The following GABRB3 variants were observed in gnomAD, a reference collection of about 807,000 sequenced individuals.
The protein encoded by GABRB3 is gamma-aminobutyric acid type A receptor subunit beta3, also known as gamma-aminobutyric acid receptor subunit beta-3.
GABRB3 carries 14 observed loss-of-function variants against 52.1 expected under a neutral mutation model. The ratio of observed to expected loss-of-function variants is 0.27; its 90% confidence interval spans 0.18 to 0.42. GABRB3 has a LOEUF of 0.42. Among genes scored for constraint, GABRB3 ranks in the 10% least tolerant of loss-of-function variants. GABRB3 has a pLI of 1.00. For synonymous variants in GABRB3, 260 were observed against 232.3 expected, an observed-to-expected ratio of 1.12 and a Z score of -1.08; for missense variants, 307 against 609.1, an observed-to-expected ratio of 0.50 and a Z score of 5.22.
intron 3 of GABRB3, among the ~76,000 whole-genome samples, chr15:26,749,324 G>A (rs937913713): frequency 6.6e-6 from 1 of 152,048 alleles, no homozygotes; most frequent in African/African-American, 2.4e-5. Context: ...AGTGTTTAGT[G>A]ATTTAGTGTT....
At chr15:26,741,791 T>C (rs908381819) in intron 3 of GABRB3, among the ~76,000 whole-genome samples, 3 of 152,074 alleles carry the variant, frequency 2.0e-5, no homozygotes, top group Non-Finnish European at 4.4e-5. Flanking sequence ...TAATTTTTTG[T>C]AGAGATGGGG....
Position 26,683,317 on chromosome 15 carries a change from C to A in GABRB3, c.241-61783G>T, listed in dbSNP as rs139626919. Among the ~76,000 whole-genome samples the A allele has an allele frequency of 7.7e-3, 1,140 of 148,580 alleles. 33 individuals are homozygous for A. Among genetic ancestry groups the A allele is most frequent in the Admixed American group, 0.051 (778 of 15,134 alleles). On this transcript the variant is annotated intron_variant, in intron 3 of 8. Coordinates refer to ENST00000311550, the MANE Select transcript of GABRB3 (RefSeq NM_000814.6). Reference sequence around the variant, plus strand: ...GAACTTCCTCTAGGTATCTGAGGGTCGATTTTAATTCCAGACTAGGCACCC... The same window carrying A: ...GAACTTCCTCTAGGTATCTGAGGGTAGATTTTAATTCCAGACTAGGCACCC...
chr15:26,756,574 T>G (rs1420821663), intron 3 of GABRB3, among the ~76,000 whole-genome samples: 1 of 151,762 alleles, frequency 6.6e-6, no homozygotes, highest in East Asian at 1.9e-4. Context: ...CAAGATCCTG[T>G]CTCAAAAAAA....
chr15:26,690,932 C>T (rs1259671842), intron 3 of GABRB3, among the ~76,000 whole-genome samples: 1 of 151,524 alleles, frequency 6.6e-6, no homozygotes, highest in East Asian at 2.0e-4. Context: ...AGAGTTCTGG[C>T]CAATCGCATT....
At chr15:26,620,330 T>C (rs1024811326) in intron 4 of GABRB3, among the ~76,000 whole-genome samples, 2 of 152,198 alleles carry the variant, frequency 1.3e-5, no homozygotes, top group African/African-American at 4.8e-5. Context: ...GAGGCTATGT[T>C]AAATCATTCA....
At chr15:26,554,210 G>T (rs188408757) in intron 8 of GABRB3, among the ~76,000 whole-genome samples, 13,652 of 29,664 alleles carry the variant, frequency 0.46, 3,568 homozygotes, top group Middle Eastern at 0.73. Context: ...TATATATATA[G>T]TAGAAACAAG....
Position 26,764,149 on chromosome 15 carries a change from CAAAAAAAAAAAA to C in GABRB3, c.240+8241_240+8252del, listed in dbSNP as rs1165542034. 3.1e-3 allele frequency among the ~76,000 whole-genome samples: 57 copies of C among 18,134 alleles called. 1 individual carries two copies. The highest frequency in any genetic ancestry group is 3.3e-3 in the Non-Finnish European group (37 of 11,070). The allele number at this position is 18,134 out of a possible 152,430, so 11.9% of individuals were successfully genotyped here. A position where few individuals can be genotyped will look rare whatever the true frequency, so the allele number is the denominator to read the frequency against. On this transcript the variant is annotated intron_variant, in intron 3 of 8. Coordinates refer to ENST00000311550, the MANE Select transcript of GABRB3 (RefSeq NM_000814.6). ...TGGGCAACAGTGAGAGACTCGGTCT[CAAAAAAAAAAAA>C]AAAAAAAAAAAAAAAAAAATATATA...
chr15:26,623,239 A>G (rs1162802927), intron 3 of GABRB3, among the ~76,000 whole-genome samples: 1 of 152,188 alleles, frequency 6.6e-6, no homozygotes, highest in Non-Finnish European at 1.5e-5. Context: ...GGTAAAAGAG[A>G]GCAGAGCGAT....
chr15:26,587,178 T>C (rs1891024350), intron 4 of GABRB3, among the ~76,000 whole-genome samples: 1 of 152,186 alleles, frequency 6.6e-6, no homozygotes, highest in Admixed American at 6.5e-5. Flanking sequence ...CAACTCCCTC[T>C]TCACAGAACC....
At chr15:26,699,163 G>T (rs1301993524) in intron 3 of GABRB3, among the ~76,000 whole-genome samples, 1 of 152,108 alleles carries the variant, frequency 6.6e-6, no homozygotes, top group Admixed American at 6.5e-5. Context: ...CCAGAACTGG[G>T]AACAGTATCT....
At chr15:26,624,557 G>C (rs753691558) in intron 3 of GABRB3, 2 of 985,312 alleles carry the variant, frequency 2.0e-6, no homozygotes, top group Admixed American at 6.1e-5. Context: ...GTCGCTCTCC[G>C]CACCACCAGC....
At chr15:26,623,893 C>G (rs1892581320) in intron 3 of GABRB3, among the ~76,000 whole-genome samples, 1 of 152,184 alleles carries the variant, frequency 6.6e-6, no homozygotes, top group African/African-American at 2.4e-5. Flanking sequence ...TGGTGTGGCT[C>G]CCTGCTGCTC....
At chr15:26,575,052 C>CTT (rs1242584820) in intron 6 of GABRB3, among the ~76,000 whole-genome samples, 1 of 152,138 alleles carries the variant, frequency 6.6e-6, no homozygotes. Context: ...TACTTTGGTG[C>CTT]TTTCTCTGTT....
intron 3 of GABRB3, among the ~76,000 whole-genome samples, chr15:26,695,508 A>G (rs527280580): frequency 7.2e-6 from 1 of 139,248 alleles, no homozygotes; most frequent in African/African-American, 2.5e-5. Context: ...TATCCCTGCA[A>G]TGCAAAGGAG....
chr15:26,698,876 A>G (rs1888834124), intron 3 of GABRB3, among the ~76,000 whole-genome samples: 1 of 152,228 alleles, frequency 6.6e-6, no homozygotes, highest in African/African-American at 2.4e-5. Context: ...CTAATTCATC[A>G]ACTAAAACAA....
intron 6 of GABRB3, among the ~76,000 whole-genome samples, chr15:26,568,240 A>C (rs1408813364): frequency 6.6e-6 from 1 of 152,126 alleles, no homozygotes; most frequent in Non-Finnish European, 1.5e-5. Context: ...GCAGAGAAGC[A>C]AGTCCAGTCC....
At chr15:26,599,695 G>C (rs938036249) in intron 4 of GABRB3, among the ~76,000 whole-genome samples, 4 of 152,182 alleles carry the variant, frequency 2.6e-5, no homozygotes, top group African/African-American at 4.8e-5. Context: ...AGGCAGAGAG[G>C]ATGAGATAGT....
chr15:26,634,983 TAA>T, intron 3 of GABRB3, among the ~76,000 whole-genome samples: 1 of 6,998 alleles, frequency 1.4e-4, no homozygotes, highest in South Asian at 0.022. Context: ...TATGTATCTC[TAA>T]ATATATATAT....
chr15:26,627,413 T>C (rs373958000), intron 3 of GABRB3, among the ~76,000 whole-genome samples: 2 of 136,120 alleles, frequency 1.5e-5, no homozygotes, highest in African/African-American at 5.7e-5. Context: ...GTAGCTGCCA[T>C]AGACAGTGAT....
Sources: gnomAD v4.1 joint callset for allele counts (sites outside exome capture counted in the v4.1 genomes callset) on GRCh38, gnomAD v4.1.1 for gene constraint, MANE v1.5 for transcripts, NCBI Gene and HGNC (gene_info 2026-07-23, HGNC 2026-07-21) for gene names.